SPON1: variants seen among roughly 807,000 people sequenced by gnomAD.
The protein encoded by SPON1 is spondin-1.
Under a neutral mutation model 111.7 loss-of-function variants are expected in SPON1, and 52 were observed. The observed-to-expected ratio is 0.47, with a 90% CI of 0.37 to 0.59. The LOEUF (loss-of-function observed/expected upper bound fraction) is 0.59. Ranked by LOEUF, SPON1 falls within the 20% of genes least tolerant of loss-of-function variation. SPON1 has a pLI of 0.00. For synonymous variants in SPON1, 410 were observed against 395.8 expected (o/e 1.04, Z -0.43); for missense variants, 957 against 1,068.5 (o/e 0.90, Z 1.46).
At chr11:14,193,710 C>T (rs1554934796) in intron 6 of SPON1, among the ~76,000 whole-genome samples, 1 of 152,128 alleles carries the variant, frequency 6.6e-6, no homozygotes, top group Non-Finnish European at 1.5e-5. Flanking sequence ...TCGGGTATTG[C>T]CTGGAATCCC....
rs1847983182 is a variant in SPON1, at chr11:13,962,826, C to T, written c.-79C>T. 1.4e-5 allele frequency: 18 copies of T among 1,306,308 alleles called. No homozygotes were observed. Among genetic ancestry groups the T allele is most frequent in the Non-Finnish European group, 1.8e-5 (18 of 1,004,292 alleles). The allele number at this position is 1,306,308 out of a possible 1,614,324, so 80.9% of individuals were successfully genotyped here. A position where few individuals can be genotyped will look rare whatever the true frequency, so the allele number is the denominator to read the frequency against. ...TCTCCGCCGCGCCTCCGCCAGGTCG[C>T]GCCTTCGTCGGGACCACTTCGGGCA... On this transcript the variant is annotated 5_prime_UTR_variant, in exon 1 of 16. Coordinates refer to ENST00000576479, the MANE Select transcript of SPON1 (RefSeq NM_006108.4).
chr11:14,123,759 C>T (rs962020982), intron 5 of SPON1, among the ~76,000 whole-genome samples: 1 of 152,368 alleles, frequency 6.6e-6, no homozygotes. Flanking sequence ...TCTACCTCCT[C>T]AGCTCAGACA....
intron 6 of SPON1, among the ~76,000 whole-genome samples, chr11:14,148,015 G>A (rs1847743464): frequency 1.3e-5 from 2 of 152,182 alleles, no homozygotes; most frequent in African/African-American, 4.8e-5. Flanking sequence ...TGTCAGAGGT[G>A]TAGGGAAACA....
At chr11:14,100,816 A>T (rs2133843453) in intron 5 of SPON1, among the ~76,000 whole-genome samples, 1 of 152,320 alleles carries the variant, frequency 6.6e-6, no homozygotes, top group East Asian at 1.9e-4. Context: ...CTAAGGCCTT[A>T]TATGCCTGAG....
chr11:13,983,566 AAG>A (rs1554909961), intron 2 of SPON1, among the ~76,000 whole-genome samples: 1 of 152,176 alleles, frequency 6.6e-6, no homozygotes, highest in Non-Finnish European at 1.5e-5. Context: ...CAAGAAAAGA[AAG>A]GGAATCGCAC....
chr11:14,263,898 G>A (rs559342167), intron 15 of SPON1, among the ~76,000 whole-genome samples: 15 of 151,940 alleles, frequency 9.9e-5, no homozygotes, highest in East Asian at 1.9e-4. Flanking sequence ...GCATGGTGGC[G>A]CACACCTGTA....
chr11:14,178,237 A>G (rs1030448501), intron 6 of SPON1, among the ~76,000 whole-genome samples: 6 of 152,286 alleles, frequency 3.9e-5, no homozygotes, highest in African/African-American at 1.2e-4. Context: ...CCTGGCTAAC[A>G]TGGTGAAACC....
chr11:14,028,648 A>C (rs1848536495), intron 2 of SPON1, among the ~76,000 whole-genome samples: 4 of 152,142 alleles, frequency 2.6e-5, no homozygotes, highest in Non-Finnish European at 5.9e-5. Context: ...ACCAGGGCCC[A>C]TTCTCTGATT....
intron 5 of SPON1, among the ~76,000 whole-genome samples, chr11:14,132,089 C>T (rs1191416966): frequency 6.6e-6 from 1 of 152,138 alleles, no homozygotes; most frequent in Non-Finnish European, 1.5e-5. Context: ...CCAGCCTGGC[C>T]AACATGGTGA....
Position 14,267,814 on chromosome 11 carries a change from ATTTG to A in SPON1, c.*2132_*2135del, listed in dbSNP as rs1381389244. ...AAAGATTTTTTACTACAAAAATGAAATTTGTTTGGACTTCCACTTGAGACAGTAA... is the reference window on the plus strand; with the variant it reads ...AAAGATTTTTTACTACAAAAATGAAATTTGGACTTCCACTTGAGACAGTAA... On this transcript the variant is annotated 3_prime_UTR_variant, in exon 16 of 16. Transcript: ENST00000576479. 1 of 152,180 alleles carries A rather than the reference ATTTG, an allele frequency of 6.6e-6. No individual in the cohort carries two copies. The highest frequency in any genetic ancestry group is 1.5e-5 in the Non-Finnish European group (1 of 68,028). 9.4% of individuals were successfully genotyped at this position (152,180 alleles called of 1,614,324 possible).
chr11:14,223,235 A>T (rs1399701353), intron 6 of SPON1, among the ~76,000 whole-genome samples: 2 of 152,126 alleles, frequency 1.3e-5, no homozygotes, highest in Non-Finnish European at 2.9e-5. Flanking sequence ...GTGGTGGCAC[A>T]TGCCTGTGAT....
At position 14,135,644 on chromosome 11, in the gene SPON1, G is replaced by A. The variant is rs1390497594; in HGVS notation, c.825+76G>A. On this transcript the variant is annotated intron_variant, in intron 6 of 15. Transcript: ENST00000576479. This position sits in a 1 kb window ranked among gnomAD's most constrained non-coding sequence, Gnocchi z 4.4. The stretch of plus-strand genomic sequence containing the variant: ...CACTCCTTAGATATCTTTCCCAGGG[G>A]CTTGAAATTTGCAGTACAATGTGGT... 4.7e-6 allele frequency: 7 copies of A among 1,476,682 alleles called. No homozygotes were observed. The highest frequency in any genetic ancestry group is 5.6e-6 in the Non-Finnish European group (6 of 1,074,882). 91.5% of individuals were successfully genotyped at this position (1,476,682 alleles called of 1,614,324 possible).
intron 5 of SPON1, among the ~76,000 whole-genome samples, chr11:14,088,079 T>C (rs1849020985): frequency 6.6e-6 from 1 of 152,228 alleles, no homozygotes; most frequent in Admixed American, 6.5e-5. Context: ...CTTGACTCTT[T>C]ACCCAATTTT....
At chr11:14,182,054 T>C (rs1848239535) in intron 6 of SPON1, among the ~76,000 whole-genome samples, 1 of 152,134 alleles carries the variant, frequency 6.6e-6, no homozygotes, top group Non-Finnish European at 1.5e-5. Context: ...AAAAAATTGG[T>C]AACTTGTAAT....
chr11:13,967,694 G>A (rs1487401640), intron 1 of SPON1, among the ~76,000 whole-genome samples: 3 of 152,108 alleles, frequency 2.0e-5, no homozygotes, highest in African/African-American at 7.2e-5. Context: ...ACTATTTCCT[G>A]GATGGTGGAG....
intron 3 of SPON1, among the ~76,000 whole-genome samples, chr11:14,044,660 G>A (rs140341780): frequency 6.6e-6 from 1 of 152,044 alleles, no homozygotes; most frequent in Non-Finnish European, 1.5e-5. Flanking sequence ...CTCAATTCCA[G>A]TTTTCTACAC....
At chr11:14,181,822 G>T (rs1351610122) in intron 6 of SPON1, among the ~76,000 whole-genome samples, 1 of 152,066 alleles carries the variant, frequency 6.6e-6, no homozygotes, top group Non-Finnish European at 1.5e-5. Context: ...GGTCTGAAAT[G>T]GATTTTTTCT....
intron 6 of SPON1, among the ~76,000 whole-genome samples, chr11:14,170,860 G>C (rs1216408726): frequency 6.6e-6 from 1 of 152,150 alleles, no homozygotes; most frequent in African/African-American, 2.4e-5. Context: ...GATCATGGTG[G>C]ATAAGCTTTT....
At chr11:14,085,879 T>C (rs149401403) in intron 5 of SPON1, among the ~76,000 whole-genome samples, 2 of 152,128 alleles carry the variant, frequency 1.3e-5, no homozygotes, top group Non-Finnish European at 2.9e-5. Context: ...TTGTAAGTTG[T>C]ATTCCTAGGT....
Sources: allele counts gnomAD v4.1 joint callset (sites outside exome capture counted in the v4.1 genomes callset), GRCh38; gene constraint gnomAD v4.1.1; non-coding constraint Gnocchi (gnomAD v3.1); transcripts MANE v1.5; gene names NCBI Gene and HGNC (gene_info 2026-07-23, HGNC 2026-07-21).